TDRD5: variants seen among roughly 807,000 people sequenced by gnomAD.
TDRD5 encodes tudor domain containing 5.
In TDRD5, 41 loss-of-function variants were observed where a neutral mutation model predicts 120.6. The ratio of observed to expected loss-of-function variants is 0.34; its 90% CI spans 0.26 to 0.44. The LOEUF (loss-of-function observed/expected upper bound fraction) is 0.44, where lower values mean the gene tolerates loss of function less well. Ranked by LOEUF, TDRD5 falls within the 20% of genes least tolerant of loss-of-function variation. TDRD5 has a pLI of 1.00. For synonymous variants in TDRD5, 430 were observed against 433.7 expected (o/e 0.99, Z 0.11); for missense variants, 1,006 against 1,221.2 (o/e 0.82, Z 2.63).
At chr1:179,683,944 G>A (rs1350607250) in intron 17 of TDRD5, among the ~76,000 whole-genome samples, 2 of 152,110 alleles carry the variant, frequency 1.3e-5, no homozygotes, top group Non-Finnish European at 2.9e-5. Flanking sequence ...AGAGTGCTTA[G>A]CATCCCCTTC....
At chr1:179,630,580 A>T (rs1677379486) in intron 6 of TDRD5, among the ~76,000 whole-genome samples, 187 bp from the exon 7 acceptor site, 1 of 152,106 alleles carries the variant, frequency 6.6e-6, no homozygotes, top group Admixed American at 6.5e-5. Flanking sequence ...ATTGACCCAG[A>T]AGTTTTATAG....
chr1:179,691,119 G>A lies in TDRD5; in HGVS notation c.*176G>A. On this transcript the variant is annotated 3_prime_UTR_variant, in exon 18 of 18. Coordinates refer to ENST00000444136, the MANE Select transcript of TDRD5 (RefSeq NM_001199085.3). ...ACAGTCTACTTTGATGTGTAAGTAA[G>A]TATTGATATTTACTGTTAATCTTGA... The A allele has an allele frequency of 8.2e-6, 6 of 731,026 alleles. No homozygotes were observed. Among genetic ancestry groups the A allele is most frequent in the Non-Finnish European group, 1.2e-5 (6 of 486,274 alleles). 45.3% of individuals were successfully genotyped at this position (731,026 alleles called of 1,614,324 possible).
intron 9 of TDRD5, among the ~76,000 whole-genome samples, chr1:179,636,114 G>C (rs1252276505): frequency 6.6e-6 from 1 of 151,890 alleles, no homozygotes; most frequent in East Asian, 1.9e-4. Flanking sequence ...AATTTAGAAG[G>C]GTGGCATTGT....
rs1013690004 is a variant in TDRD5, at chr1:179,615,050, G to T, written c.832-3549G>T. On this transcript the variant is annotated intron_variant, in intron 4 of 17. Coordinates refer to ENST00000444136, the MANE Select transcript of TDRD5 (RefSeq NM_001199085.3). ...CAATCCTCCCACCCCTCAGTGTCTG[G>T]TAACCACGATTTTACTCTGTGTCTA... Among the ~76,000 whole-genome samples the T allele has an allele frequency of 3.3e-5, 5 of 151,994 alleles. No individual in the cohort carries two copies. In the East Asian group the frequency reaches 9.6e-4, roughly 29 times the overall value.
intron 17 of TDRD5, among the ~76,000 whole-genome samples, chr1:179,680,418 TTTTC>T (rs1179352365): frequency 6.6e-6 from 1 of 152,192 alleles, no homozygotes; most frequent in Non-Finnish European, 1.5e-5. Flanking sequence ...TGATTTGTCT[TTTTC>T]TTTTTTCAGT....
At chr1:179,631,252 C>T (rs770700208) in intron 7 of TDRD5, among the ~76,000 whole-genome samples, 1 of 151,978 alleles carries the variant, frequency 6.6e-6, no homozygotes, top group African/African-American at 2.4e-5. Context: ...ACTAGCCAGG[C>T]GTGGTGGTGG....
rs972222152 is a variant in TDRD5, at chr1:179,618,502, C to T, written c.832-97C>T. On this transcript the variant is annotated intron_variant, in intron 4 of 17. Transcript: ENST00000444136. ...TGTCTATTTAATTGCAATATGTCTCCTTTTATAGATTTTTTCTTTACATAT... is the reference window on the plus strand; with the variant it reads ...TGTCTATTTAATTGCAATATGTCTCTTTTTATAGATTTTTTCTTTACATAT... 3.6e-5 allele frequency: 28 copies of T among 777,386 alleles called. No homozygotes were observed. In the Admixed American group the frequency reaches 8.4e-4, roughly 23 times the overall value. 48.2% of individuals were successfully genotyped at this position (777,386 alleles called of 1,614,324 possible). A position where few individuals can be genotyped will look rare whatever the true frequency, so the allele number is the denominator to read the frequency against.
At position 179,594,300 on chromosome 1, in the gene TDRD5, C is replaced by G. The variant is rs574731673; in HGVS notation, c.640+433C>G. ...ATCTTTGCCATCACTGGGGCTTATC[C>G]TAGGAGACACTTTGGTAACTTTTGT... On this transcript the variant is annotated intron_variant, in intron 3 of 17. Transcript: ENST00000444136. Among the ~76,000 whole-genome samples, 24 of 152,262 alleles carry G rather than the reference C, an allele frequency of 1.6e-4. No homozygotes were observed. The South Asian group carries it at 2.5e-3, about 16-fold the overall frequency.
rs554012847 is a variant in TDRD5, at chr1:179,621,019, A to G, written c.916-16A>G. On this transcript the variant is annotated splice_polypyrimidine_tract_variant and intron_variant, in intron 5 of 17. Transcript: ENST00000444136. ...TTTCAGTGTGTCTATATTGTATTTC[A>G]CTTTCTATTTGTTAGGTTGTATCTA... 1 of 1,586,100 alleles carries G rather than the reference A, an allele frequency of 6.3e-7. No homozygotes were observed. Among genetic ancestry groups the G allele is most frequent in the South Asian group, 1.1e-5 (1 of 86,974 alleles).
At chr1:179,620,894 C>CAA (rs35624250) in intron 5 of TDRD5, 141 bp from the exon 6 acceptor site, 1,526 of 578,996 alleles carry the variant, frequency 2.6e-3, no homozygotes, top group Middle Eastern at 5.0e-3. Context: ...AACTCATTTT[C>CAA]AAAAAAAAAC....
intron 4 of TDRD5, among the ~76,000 whole-genome samples, chr1:179,616,527 C>A (rs1222593546): frequency 1.3e-5 from 2 of 152,172 alleles, no homozygotes; most frequent in Admixed American, 1.3e-4. Context: ...TTCTGATAAT[C>A]TGTCTCCCTT....
At chr1:179,621,505 G>C (rs1676841986) in intron 6 of TDRD5, among the ~76,000 whole-genome samples, 1 of 151,962 alleles carries the variant, frequency 6.6e-6, no homozygotes, top group Admixed American at 6.6e-5. Context: ...TTGCACTCTA[G>C]AGAAACTCTT....
chr1:179,592,861 T>G lies in TDRD5; in HGVS notation c.232+14T>G. On this transcript the variant is annotated intron_variant, in intron 2 of 17. Transcript: ENST00000444136. ...TAATACTGAAAGGTAGGTTTAAGAT[T>G]TTTGAAGGTCTATAAACTTTGTAAT... 6.2e-7 allele frequency: 1 copy of G among 1,610,968 alleles called. No homozygotes were observed. The highest frequency in any genetic ancestry group is 8.5e-7 in the Non-Finnish European group (1 of 1,177,234).
At chr1:179,613,839 A>G (rs1478301868) in intron 4 of TDRD5, among the ~76,000 whole-genome samples, 2 of 152,192 alleles carry the variant, frequency 1.3e-5, no homozygotes, top group African/African-American at 2.4e-5. Context: ...ATACATCTAT[A>G]CTATAGCATA....
At chr1:179,653,681 T>C (rs967823341) in intron 13 of TDRD5, among the ~76,000 whole-genome samples, 1 of 152,204 alleles carries the variant, frequency 6.6e-6, no homozygotes, top group Non-Finnish European at 1.5e-5. Context: ...AACCATCTTT[T>C]CTGCAAAAGA....
chr1:179,614,797 C>T (rs1311654363), intron 4 of TDRD5, among the ~76,000 whole-genome samples: 1 of 151,862 alleles, frequency 6.6e-6, no homozygotes, highest in Non-Finnish European at 1.5e-5. Flanking sequence ...ATATATGGTG[C>T]ACAACTTGAT....
chr1:179,664,651 T>C (rs529075889), intron 16 of TDRD5, among the ~76,000 whole-genome samples: 1 of 152,190 alleles, frequency 6.6e-6, no homozygotes, highest in Non-Finnish European at 1.5e-5. Context: ...TTCCTTTCTA[T>C]GGCTGAATAA....
At chr1:179,682,605 A>G (rs1680484560) in intron 17 of TDRD5, among the ~76,000 whole-genome samples, 1 of 151,682 alleles carries the variant, frequency 6.6e-6, no homozygotes, top group Non-Finnish European at 1.5e-5. Flanking sequence ...TCCATGGTGT[A>G]TATGTGTGTT....
chr1:179,603,133 G>T (rs758603302), intron 4 of TDRD5, among the ~76,000 whole-genome samples: 9 of 151,942 alleles, frequency 5.9e-5, no homozygotes, highest in Non-Finnish European at 1.2e-4. Flanking sequence ...TGTTATTTTT[G>T]CAGCTATTGT....
Sources: gnomAD v4.1 joint callset for allele counts (sites outside exome capture counted in the v4.1 genomes callset) on GRCh38, gnomAD v4.1.1 for gene constraint, MANE v1.5 for transcripts, NCBI Gene and HGNC (gene_info 2026-07-23, HGNC 2026-07-21) for gene names.